The following COL5A2 variants were observed in gnomAD, a reference collection of about 807,000 sequenced individuals.
COL5A2 encodes collagen alpha-2(V) chain.
COL5A2 carries 23 observed loss-of-function variants against 208.2 expected under a neutral mutation model. The observed-to-expected ratio is 0.11, with a 90% CI of 0.08 to 0.16. COL5A2 has a LOEUF of 0.16. Among genes scored for constraint, COL5A2 ranks in the 10% least tolerant of loss-of-function variants. COL5A2 has a pLI of 1.00. For missense variants in COL5A2, 1,590 were observed against 1,956.4 expected (o/e 0.81, Z 3.53); for synonymous variants, 625 against 628.5 (o/e 0.99, Z 0.08).
chr2:189,141,906 G>C (rs1262145568), intron 1 of COL5A2, among the ~76,000 whole-genome samples: 1 of 152,118 alleles, frequency 6.6e-6, no homozygotes, highest in Non-Finnish European at 1.5e-5. Context: ...TAAAGGTTGA[G>C]CTTCATCAAA....
the COL5A2 span, among the ~76,000 whole-genome samples, chr2:189,427,517 A>G: frequency 6.6e-6 from 1 of 152,190 alleles, no homozygotes; most frequent in African/African-American, 2.4e-5. Flanking sequence ...AGCTATGAGA[A>G]GAGGACCACC....
the COL5A2 span, among the ~76,000 whole-genome samples, chr2:189,233,897 T>C: frequency 5.9e-5 from 9 of 151,706 alleles, no homozygotes; most frequent in African/African-American, 2.2e-4. Context: ...CCAGTGGCAA[T>C]GGGTTTATCA....
chr2:189,351,304 G>T, the COL5A2 span, among the ~76,000 whole-genome samples: 5,539 of 152,174 alleles, frequency 0.036, 115 homozygotes, highest in Admixed American at 0.05. Context: ...GATTGTACAC[G>T]TATTCACAAT....
upstream of COL5A2, among the ~76,000 whole-genome samples, chr2:189,229,297 T>C (rs1689452795): frequency 6.6e-6 from 1 of 151,378 alleles, no homozygotes; most frequent in Non-Finnish European, 1.5e-5. Flanking sequence ...GTACTAGAAG[T>C]CCTACCCAGA....
rs755412373 is a variant in COL5A2, at chr2:189,033,944, T to C, written c.*126A>G. The C allele has an allele frequency of 2.0e-4, 256 of 1,249,002 alleles. No individual in the cohort carries two copies. The highest frequency in any genetic ancestry group is 2.8e-4 in the Non-Finnish European group (237 of 858,550). 77.4% of individuals were successfully genotyped at this position (1,249,002 alleles called of 1,614,324 possible). Reference sequence around the variant, plus strand: ...GAGGCCAGGCACTTAAGACCATATATACAATGCTGATGCAGGATCAGCCAT... The same window carrying C: ...GAGGCCAGGCACTTAAGACCATATACACAATGCTGATGCAGGATCAGCCAT... On this transcript the variant is annotated 3_prime_UTR_variant, in exon 54 of 54. Transcript: ENST00000374866.
chr2:189,369,228 T>C, the COL5A2 span, among the ~76,000 whole-genome samples: 1 of 152,140 alleles, frequency 6.6e-6, no homozygotes, highest in Non-Finnish European at 1.5e-5. Flanking sequence ...TATAAATGTA[T>C]GTTTTGAACT....
At chr2:189,043,999 G>A (rs1050042579) in intron 47 of COL5A2, among the ~76,000 whole-genome samples, 6 of 152,166 alleles carry the variant, frequency 3.9e-5, no homozygotes, top group Admixed American at 3.3e-4. Context: ...GTTATTGTTG[G>A]TGGTGGTGTT....
the COL5A2 span, among the ~76,000 whole-genome samples, chr2:189,424,287 T>G: frequency 6.6e-6 from 1 of 152,282 alleles, no homozygotes; most frequent in Admixed American, 6.5e-5. Context: ...CAAACATGCT[T>G]ATTTTCACCA....
intron 2 of COL5A2, among the ~76,000 whole-genome samples, chr2:189,109,249 G>T (rs947957329): frequency 2.6e-5 from 4 of 151,898 alleles, no homozygotes; most frequent in African/African-American, 9.7e-5. Flanking sequence ...CTGTTTTGAT[G>T]ATTGTATTTG....
chr2:189,365,772 T>C, the COL5A2 span, among the ~76,000 whole-genome samples: 4 of 152,196 alleles, frequency 2.6e-5, no homozygotes, highest in African/African-American at 9.7e-5. Context: ...GTCTACATTA[T>C]TTAGGATATA....
the COL5A2 span, among the ~76,000 whole-genome samples, chr2:189,388,334 A>T: frequency 6.6e-5 from 10 of 152,156 alleles, no homozygotes; most frequent in African/African-American, 2.4e-4. Flanking sequence ...AAACTAAATG[A>T]TGGAAAGGAG....
At chr2:189,316,514 A>C in the COL5A2 span, among the ~76,000 whole-genome samples, 1 of 151,820 alleles carries the variant, frequency 6.6e-6, no homozygotes, top group African/African-American at 2.4e-5. Flanking sequence ...TTAAAATGTA[A>C]AAAAAAATAA....
At chr2:189,206,347 G>A (rs567842807) in intron 1 of COL5A2, among the ~76,000 whole-genome samples, 9 of 152,292 alleles carry the variant, frequency 5.9e-5, no homozygotes, top group Admixed American at 5.2e-4. Context: ...GTCTTTATCT[G>A]TTATGACACT....
the COL5A2 span, among the ~76,000 whole-genome samples, chr2:189,334,593 T>C: frequency 6.6e-6 from 1 of 152,040 alleles, no homozygotes; most frequent in Non-Finnish European, 1.5e-5. Flanking sequence ...AAGATCTAAG[T>C]AAATGTGAAG....
chr2:189,247,867 A>T, the COL5A2 span, among the ~76,000 whole-genome samples: 1 of 152,218 alleles, frequency 6.6e-6, no homozygotes, highest in Non-Finnish European at 1.5e-5. Context: ...GGCATGGGCC[A>T]CTGCACTCAG....
chr2:189,424,165 CTG>C, the COL5A2 span, among the ~76,000 whole-genome samples: 7 of 152,098 alleles, frequency 4.6e-5, no homozygotes, highest in Non-Finnish European at 7.4e-5. Context: ...GATTAAAAAA[CTG>C]TGAATAAATT....
chr2:189,241,160 A>AAT, the COL5A2 span, among the ~76,000 whole-genome samples: 2 of 152,210 alleles, frequency 1.3e-5, no homozygotes, highest in African/African-American at 4.8e-5. Context: ...TATCCTCATT[A>AAT]TTCTCTGACA....
chr2:189,301,659 A>G, the COL5A2 span, among the ~76,000 whole-genome samples: 1 of 152,186 alleles, frequency 6.6e-6, no homozygotes, highest in Non-Finnish European at 1.5e-5. Flanking sequence ...GAGTTACTCA[A>G]AAGATGAACT....
the COL5A2 span, among the ~76,000 whole-genome samples, chr2:189,276,825 A>G: frequency 1.3e-5 from 2 of 152,028 alleles, no homozygotes; most frequent in African/African-American, 4.8e-5. Flanking sequence ...TAAATTTTTG[A>G]GTTCTCATCT....
Sources: allele counts gnomAD v4.1 joint callset (sites outside exome capture counted in the v4.1 genomes callset), GRCh38; gene constraint gnomAD v4.1.1; transcripts MANE v1.5; gene names NCBI Gene and HGNC (gene_info 2026-07-23, HGNC 2026-07-21).